ATP13A1: variants seen among roughly 807,000 people sequenced by gnomAD.
ATP13A1 encodes the protein ATPase 13A1.
Under a neutral mutation model 134.8 loss-of-function variants are expected in ATP13A1, and 55 were observed. The ratio of observed to expected loss-of-function variants is 0.41; its 90% CI spans 0.33 to 0.51. ATP13A1 has a LOEUF of 0.51. Among genes scored for constraint, ATP13A1 ranks in the 20% least tolerant of loss-of-function variants. The probability of loss-of-function intolerance (pLI) is 0.29; values close to 1 mark genes in which losing one functional copy is unlikely to be tolerated. For missense variants in ATP13A1, 1,389 were observed against 1,652.8 expected, an observed-to-expected ratio of 0.84 and a Z score of 2.77; for synonymous variants, 775 against 725.1, an observed-to-expected ratio of 1.07 and a Z score of -1.10.
rs1261591692 is a variant in ATP13A1, at chr19:19,655,233, T to C, written c.1541A>G (p.Tyr514Cys). ...GGGGATCCGGAAGGGCTCTGTGCAG[T>C]ACATGTCTAGGGGCGGGAGTGAGGT... ...SLIALAKLYMYCTEPFRIPFA... is the reference protein window; with the variant it reads ...SLIALAKLYMCCTEPFRIPFA... Residue 514 changes from tyrosine (Y) to cysteine (C), a missense_variant, in exon 12 of 26, where the codon TAC becomes TGC. Coordinates refer to ENST00000357324, the MANE Select transcript of ATP13A1 (RefSeq NM_020410.3). This position sits in a 1 kb window ranked among gnomAD's most constrained non-coding sequence, Gnocchi z 5.7. 1 of 1,613,926 alleles carries C rather than the reference T, an allele frequency of 6.2e-7. No homozygotes were observed. Among genetic ancestry groups the C allele is most frequent in the South Asian group, 1.1e-5 (1 of 91,078 alleles).
Position 19,647,729 on chromosome 19 carries a change from C to T in ATP13A1, c.2663G>A (p.Arg888Gln), listed in dbSNP as rs1165599101. The change falls in exon 20 of 26, where the codon CGG becomes CAG. Residue 888 changes from arginine to glutamine, a missense_variant. Transcript: ENST00000357324. This position sits in a 1 kb window ranked among gnomAD's most constrained non-coding sequence, Gnocchi z 4.8. ...GGGCCGCCGTCGCCGCTCGACAACC[C>T]GCTCAGGGGCATTGGCCAAGAGCGC... ...GVALLANAPERVVERRRRPRD... is the reference protein window; with the variant it reads ...GVALLANAPEQVVERRRRPRD... 2 of 1,605,648 alleles carry T rather than the reference C, an allele frequency of 1.2e-6. No homozygotes were observed. Among genetic ancestry groups the T allele is most frequent in the Non-Finnish European group, 1.7e-6 (2 of 1,178,498 alleles).
In ATP13A1 at chr19:19,649,836, C is replaced by A. The variant is rs201365012; in HGVS notation, c.2440G>T (p.Asp814Tyr). ...ALEYALCLTG[D>Y]GLAHLQATDP... ...GTGGCCTGCAGGTGGGCCAAGCCGT[C>A]GCCTGTGAGGCACAGTGCGTACTCC... The change falls in exon 18 of 26, where the codon GAC becomes TAC. Residue 814 changes from aspartate to tyrosine, a missense_variant. This residue lies in a region of ATP13A1 where 747 missense variants were observed against 956.1 expected (regional missense o/e 0.78). Coordinates refer to ENST00000357324, the MANE Select transcript of ATP13A1 (RefSeq NM_020410.3). 10 of 1,603,256 alleles carry A rather than the reference C, an allele frequency of 6.2e-6. No homozygotes were observed. The highest frequency in any genetic ancestry group is 8.5e-6 in the Non-Finnish European group (10 of 1,178,418).
At chr19:19,660,924 T>A (rs539208444) in intron 1 of ATP13A1, among the ~76,000 whole-genome samples, 4 of 145,820 alleles carry the variant, frequency 2.7e-5, no homozygotes, top group African/African-American at 1.0e-4. Context: ...ACTAAAAATA[T>A]AAAAATTAGC....
intron 13 of ATP13A1, 145 bp from the exon 14 acceptor site, chr19:19,654,289 G>C (rs1292883058): frequency 9.6e-7 from 1 of 1,045,426 alleles, no homozygotes; most frequent in African/African-American, 1.6e-5. Flanking sequence ...TGTTGGTCCA[G>C]AGCTGGAAGA....
At chr19:19,646,942 C>T (rs1599426237) in intron 22 of ATP13A1, 187 bp downstream of exon 22, 1 of 648,146 alleles carries the variant, frequency 1.5e-6, no homozygotes, top group Non-Finnish European at 2.6e-6. Flanking sequence ...CAAGCTGTAC[C>T]ACCTGGAGGG....
intron 3 of ATP13A1, 115 bp from the exon 4 acceptor site, chr19:19,657,523 A>G (rs1033936127): frequency 9.3e-7 from 1 of 1,074,184 alleles, no homozygotes; most frequent in Non-Finnish European, 1.3e-6. Flanking sequence ...ACCAAGAGCC[A>G]TATGTGGGCG....
Position 19,655,720 on chromosome 19 carries a change from G to A in ATP13A1, c.1270-66C>T, listed in dbSNP as rs913008486. 7.7e-6 allele frequency: 12 copies of A among 1,566,700 alleles called. No individual in the cohort carries two copies. The highest frequency in any genetic ancestry group is 4.1e-5 in the African/African-American group (3 of 73,776). ...CCTCCAGCAGCTCAGGCCTGGAAGC[G>A]TGGGCCTGGTCTTGGGGTGGCCTCT... is the stretch of plus-strand genomic sequence containing the variant. On this transcript the variant is annotated intron_variant, in intron 9 of 25. Transcript: ENST00000357324. The surrounding 1 kb of genome is among the most constrained non-coding windows in gnomAD (Gnocchi z 5.7).
intron 1 of ATP13A1, among the ~76,000 whole-genome samples, chr19:19,661,103 A>ACAAAC: frequency 6.6e-6 from 1 of 151,468 alleles, no homozygotes; most frequent in African/African-American, 2.4e-5. Flanking sequence ...AAACAAACAA[A>ACAAAC]AAAACCCCAA....
intron 13 of ATP13A1, 148 bp downstream of exon 13, chr19:19,654,394 TA>T: frequency 8.9e-7 from 1 of 1,117,812 alleles, no homozygotes; most frequent in Non-Finnish European, 1.2e-6. Context: ...ATCCTGGGTC[TA>T]AAGTGAGCCT....
Position 19,653,919 on chromosome 19 carries a change from AC to A in ATP13A1, c.1990-26del, listed in dbSNP as rs1247961195. The A allele has an allele frequency of 6.4e-7, 1 of 1,566,938 alleles. No individual in the cohort carries two copies. Among genetic ancestry groups the A allele is most frequent in the Non-Finnish European group, 8.6e-7 (1 of 1,156,070 alleles). The stretch of plus-strand genomic sequence containing the variant: ...ACTGCAGGGAATGCAGGGGGATGTC[AC>A]GGGCTGCCCCGCGCCCCCACCCCTT... On this transcript the variant is annotated intron_variant, in intron 14 of 25. Transcript: ENST00000357324. The surrounding 1 kb of genome is among the most constrained non-coding windows in gnomAD (Gnocchi z 4.2).
chr19:19,649,750 G>A lies in ATP13A1; in HGVS notation c.2526C>T (p.Pro842=). 6.2e-7 allele frequency: 1 copy of A among 1,602,310 alleles called. No individual in the cohort carries two copies. The highest frequency in any genetic ancestry group is 1.1e-5 in the South Asian group (1 of 90,792). Reference sequence around the variant, plus strand: ...AGGGCTGTGCACATACCTTCTGCTTGGGAGCCACACGGGCGAACACCTGCA... The same window carrying A: ...AGGGCTGTGCACATACCTTCTGCTTAGGAGCCACACGGGCGAACACCTGCA... ...PHVQVFARVA[P]KQKEFVITSL... is the part of the protein sequence containing the mutation. The change falls in exon 18 of 26, where the codon CCC becomes CCT. Residue 842 remains proline (P), a synonymous_variant. Transcript: ENST00000357324.
Position 19,651,530 on chromosome 19 carries a change from T to C in ATP13A1, c.2335+159A>G, listed in dbSNP as rs979403933. ...TGCGACCCAGTGAACGCTCACATGC[T>C]GTCCGAGGTGCCCAGTGGGCCAGGG... On this transcript the variant is annotated intron_variant, in intron 17 of 25. Coordinates refer to ENST00000357324, the MANE Select transcript of ATP13A1 (RefSeq NM_020410.3). The C allele has an allele frequency of 1.1e-5, 6 of 539,154 alleles. No homozygotes were observed. The East Asian group carries it at 1.9e-4, about 17-fold the overall frequency. 33.4% of individuals were successfully genotyped at this position (539,154 alleles called of 1,614,324 possible).
chr19:19,657,004 T>G lies in ATP13A1; in HGVS notation c.896A>C (p.His299Pro). The part of the protein sequence containing the change: ...SEIRKMGNKP[H>P]MIQVYRSRKW... ...CCCTGGCAGCCACACCTGGATCATG[T>G]GGGGCTTGTTGCCCATCTTCCGGAT... Residue 299 changes from histidine to proline, a missense_variant, in exon 5 of 26, where the codon CAC becomes CCC. His to Pro is a moderately conservative substitution (Grantham distance 77). Coordinates refer to ENST00000357324, the MANE Select transcript of ATP13A1 (RefSeq NM_020410.3). 6.3e-7 allele frequency: 1 copy of G among 1,589,318 alleles called. No individual in the cohort carries two copies. Among genetic ancestry groups the G allele is most frequent in the Non-Finnish European group, 8.6e-7 (1 of 1,167,298 alleles).
rs891230522 is a variant in ATP13A1, at chr19:19,654,770, A to G, written c.1656-70T>C. The stretch of plus-strand genomic sequence containing the variant: ...GGCGAAGCTGCATCCCCACCAGCAG[A>G]AGGACCCCCAAGGCCATTCATTCCG... On this transcript the variant is annotated intron_variant, in intron 12 of 25. Coordinates refer to ENST00000357324, the MANE Select transcript of ATP13A1 (RefSeq NM_020410.3). The G allele has an allele frequency of 2.7e-6, 4 of 1,506,898 alleles. No individual in the cohort carries two copies. The East Asian group carries it at 6.8e-5, about 26-fold the overall frequency. 93.3% of individuals were successfully genotyped at this position (1,506,898 alleles called of 1,614,324 possible). A position where few individuals can be genotyped will look rare whatever the true frequency, so the allele number is the denominator to read the frequency against.
rs967138091 is a variant in ATP13A1, at chr19:19,662,289, C to CT, written c.396+981dup. The CT allele has an allele frequency of 4.8e-5, 47 of 985,422 alleles. No individual in the cohort carries two copies. In the African/African-American group the frequency reaches 7.5e-4, roughly 16 times the overall value. The allele number at this position is 985,422 out of a possible 1,614,324, so 61.0% of individuals were successfully genotyped here. On this transcript the variant is annotated intron_variant, in intron 1 of 25. Coordinates refer to ENST00000357324, the MANE Select transcript of ATP13A1 (RefSeq NM_020410.3). ...AGCTCCTCCCCTGGGATAGATAAGTCTTTTTGAAGGACAGAACAGGTTGTC... is the reference window on the plus strand; with the variant it reads ...AGCTCCTCCCCTGGGATAGATAAGTCTTTTTTGAAGGACAGAACAGGTTGTC...
intron 3 of ATP13A1, 103 bp from the exon 4 acceptor site, chr19:19,657,511 A>G: frequency 5.0e-6 from 6 of 1,207,114 alleles, no homozygotes; most frequent in Non-Finnish European, 6.7e-6. Context: ...CGCTCTCAAG[A>G]AACCAAGAGC....
In ATP13A1 at chr19:19,647,393, G is replaced by A. The variant is rs1274982249; in HGVS notation, c.2908+21C>T. The A allele has an allele frequency of 6.2e-7, 1 of 1,603,864 alleles. No individual in the cohort carries two copies. The highest frequency in any genetic ancestry group is 1.1e-5 in the South Asian group (1 of 90,400). Reference sequence around the variant, plus strand: ...GCCAAGGGGGGAATGAAGGGAGGGGGAGCGGGGGCAGGCAACTCACTGCAC... The same window carrying A: ...GCCAAGGGGGGAATGAAGGGAGGGGAAGCGGGGGCAGGCAACTCACTGCAC... On this transcript the variant is annotated intron_variant, in intron 21 of 25. Transcript: ENST00000357324. This position sits in a 1 kb window ranked among gnomAD's most constrained non-coding sequence, Gnocchi z 4.8.
chr19:19,661,985 A>T, intron 1 of ATP13A1: 1 of 1,515,824 alleles, frequency 6.6e-7, no homozygotes, highest in Non-Finnish European at 8.9e-7. Flanking sequence ...AGTAGTTGTT[A>T]GTTACGGTTC....
chr19:19,655,421 G>A lies in ATP13A1; in HGVS notation c.1429C>T (p.Leu477=). 1 of 1,614,020 alleles carries A rather than the reference G, an allele frequency of 6.2e-7. No homozygotes were observed. Among genetic ancestry groups the A allele is most frequent in the Non-Finnish European group, 8.5e-7 (1 of 1,179,878 alleles). The change falls in exon 11 of 26, where the codon CTG becomes TTG. Residue 477 remains leucine (L), a synonymous_variant. Transcript: ENST00000357324. The surrounding 1 kb of genome is among the most constrained non-coding windows in gnomAD (Gnocchi z 5.7). ...AGGATCAGGGTGCACTCCAGAAACA[G>A]CTTGTAGCGGTTCCGGCTGGGGTCC... The part of the protein sequence containing the change: ...TKDPSRNRYK[L]FLECTLILTS...
Sources: gnomAD v4.1 joint callset for allele counts (sites outside exome capture counted in the v4.1 genomes callset) on GRCh38, gnomAD v4.1.1 for gene constraint, gnomAD v4.1.1 regional missense constraint, Gnocchi (gnomAD v3.1) non-coding constraint, MANE v1.5 for transcripts, NCBI Gene and HGNC (gene_info 2026-07-23, HGNC 2026-07-21) for gene names.